The following TSPEAR variants were observed in gnomAD, a reference collection of about 807,000 sequenced individuals.
TSPEAR encodes thrombospondin-type laminin G domain and EAR repeat-containing protein.
In TSPEAR, 69 loss-of-function variants were observed where a neutral mutation model predicts 71.6. The observed-to-expected ratio is 0.96, with a 90% CI of 0.79 to 1.18. The LOEUF (loss-of-function observed/expected upper bound fraction) is 1.18, where lower values mean the gene tolerates loss of function less well. TSPEAR is among the 50% of genes most tolerant of loss of function. The pLI is 0.00. For synonymous variants in TSPEAR, 402 were observed against 387.2 expected (o/e 1.04, Z -0.45); for missense variants, 971 against 894.9 (o/e 1.09, Z -1.09).
intron 1 of TSPEAR, among the ~76,000 whole-genome samples, chr21:44,667,565 GAAA>G (rs1985852972): frequency 6.6e-6 from 1 of 152,210 alleles, no homozygotes; most frequent in African/African-American, 2.4e-5. Context: ...CAGCTCTAAG[GAAA>G]TCAAGCTGGT....
intron 1 of TSPEAR, among the ~76,000 whole-genome samples, chr21:44,705,361 G>A (rs1402887870): frequency 3.3e-5 from 5 of 152,090 alleles, no homozygotes; most frequent in Non-Finnish European, 5.9e-5. Context: ...ATGAAATGTG[G>A]GCACCTTGAA....
Position 44,499,670 on chromosome 21 carries a change from C to T in TSPEAR, c.*113G>A. The T allele has an allele frequency of 1.7e-6, 2 of 1,197,602 alleles. No homozygotes were observed. Among genetic ancestry groups the T allele is most frequent in the South Asian group, 1.6e-5 (1 of 61,838 alleles). The allele number at this position is 1,197,602 out of a possible 1,614,324, so 74.2% of individuals were successfully genotyped here. A position where few individuals can be genotyped will look rare whatever the true frequency, so the allele number is the denominator to read the frequency against. On this transcript the variant is annotated 3_prime_UTR_variant, in exon 12 of 12. Transcript: ENST00000323084. ...GCCCCACCTGCACCCTGCCTGATGC[C>T]CAGGCCCGGGATGCCCTAGGCTGGG...
intron 1 of TSPEAR, among the ~76,000 whole-genome samples, chr21:44,668,790 A>G (rs1555945341): frequency 1.3e-5 from 2 of 152,234 alleles, no homozygotes; most frequent in Non-Finnish European, 2.9e-5. Context: ...CAGTGAGGGA[A>G]GAACAGACTT....
chr21:44,616,071 C>T (rs182358165), intron 1 of TSPEAR, among the ~76,000 whole-genome samples: 4 of 152,292 alleles, frequency 2.6e-5, no homozygotes, highest in East Asian at 1.9e-4. Context: ...AGACAGAGGT[C>T]GGCAGCACCT....
Position 44,612,360 on chromosome 21 carries a change from A to T in TSPEAR, c.83-44355T>A. On this transcript the variant is annotated intron_variant, in intron 1 of 11. Transcript: ENST00000323084. This position sits in a 1 kb window ranked among gnomAD's most constrained non-coding sequence, Gnocchi z 4.1. The stretch of plus-strand genomic sequence containing the variant: ...GTGAGCTGTGAGCCCAGCCCCTGCC[A>T]ATCAGGCTGCACCGACTCCTGCACA... 6.2e-7 allele frequency: 1 copy of T among 1,613,916 alleles called. No homozygotes were observed. The highest frequency in any genetic ancestry group is 8.5e-7 in the Non-Finnish European group (1 of 1,179,998).
At chr21:44,610,699 T>G (rs1981607289) in intron 1 of TSPEAR, among the ~76,000 whole-genome samples, 1 of 152,118 alleles carries the variant, frequency 6.6e-6, no homozygotes, top group Non-Finnish European at 1.5e-5. Context: ...GGTAGATCTA[T>G]TGACACCTTG....
At chr21:44,701,588 G>T (rs889186580) in intron 1 of TSPEAR, among the ~76,000 whole-genome samples, 2 of 152,184 alleles carry the variant, frequency 1.3e-5, no homozygotes, top group Non-Finnish European at 2.9e-5. Flanking sequence ...GGGAGACAGG[G>T]GCAGACCATC....
At chr21:44,590,557 G>C (rs1979718717) in intron 1 of TSPEAR, among the ~76,000 whole-genome samples, 1 of 152,176 alleles carries the variant, frequency 6.6e-6, no homozygotes, top group African/African-American at 2.4e-5. Flanking sequence ...ACGAATACTG[G>C]GCTGCTGGGC....
intron 1 of TSPEAR, among the ~76,000 whole-genome samples, chr21:44,709,118 C>T (rs368543836): frequency 1.3e-5 from 2 of 152,332 alleles, no homozygotes; most frequent in East Asian, 3.9e-4. Context: ...CACCCAGCCC[C>T]CCAGAGCCCA....
At chr21:44,700,382 GTCCCTCAGCCCATCCCTGCAA>G (rs1354156310) in intron 1 of TSPEAR, among the ~76,000 whole-genome samples, 1 of 152,126 alleles carries the variant, frequency 6.6e-6, no homozygotes, top group Non-Finnish European at 1.5e-5. Flanking sequence ...CCCCAGTGCA[GTCCCTCAGCCCATCCCTGCAA>G]TCCCTCAGCG....
chr21:44,671,285 C>T (rs1326655664), intron 1 of TSPEAR, among the ~76,000 whole-genome samples: 1 of 152,238 alleles, frequency 6.6e-6, no homozygotes, highest in Non-Finnish European at 1.5e-5. Flanking sequence ...TTGCTACTAC[C>T]ATCATCCATG....
intron 1 of TSPEAR, chr21:44,658,354 G>A: frequency 1.5e-6 from 2 of 1,354,952 alleles, no homozygotes; most frequent in Non-Finnish European, 2.0e-6. Flanking sequence ...GCACACATAG[G>A]GCAGATGAAA....
At chr21:44,615,009 C>T (rs1377089580) in intron 1 of TSPEAR, among the ~76,000 whole-genome samples, 3 of 152,182 alleles carry the variant, frequency 2.0e-5, no homozygotes, top group Non-Finnish European at 4.4e-5. Flanking sequence ...ACACACCCAT[C>T]GCTCACCGGA....
At chr21:44,678,024 C>G in intron 1 of TSPEAR, 1 of 816,196 alleles carries the variant, frequency 1.2e-6, no homozygotes, top group Non-Finnish European at 2.1e-6. Flanking sequence ...GGAGGACTAA[C>G]TTCCCATAGA....
At chr21:44,647,934 C>G (rs996397219) in intron 1 of TSPEAR, among the ~76,000 whole-genome samples, 5 of 152,222 alleles carry the variant, frequency 3.3e-5, no homozygotes, top group Non-Finnish European at 7.3e-5. Context: ...CCCGCCCATG[C>G]CTGTCCCCTG....
At chr21:44,607,631 C>T (rs1981397699) in intron 1 of TSPEAR, among the ~76,000 whole-genome samples, 2 of 152,094 alleles carry the variant, frequency 1.3e-5, no homozygotes, top group Non-Finnish European at 1.5e-5. Context: ...CAATTAAGAG[C>T]GTCTCTTCAT....
chr21:44,675,175 A>G (rs1444553457), intron 1 of TSPEAR, among the ~76,000 whole-genome samples: 1 of 152,192 alleles, frequency 6.6e-6, no homozygotes, highest in Non-Finnish European at 1.5e-5. Flanking sequence ...AAAACTCCTC[A>G]ACAAAATACT....
At chr21:44,552,922 C>T (rs1300346878) in intron 2 of TSPEAR, among the ~76,000 whole-genome samples, 20 of 152,310 alleles carry the variant, frequency 1.3e-4, no homozygotes, top group African/African-American at 4.3e-4. Context: ...CATCTGAAGA[C>T]GCAGGGCAGT....
At chr21:44,511,787 C>T (rs2052387553) in intron 9 of TSPEAR, among the ~76,000 whole-genome samples, 1 of 152,274 alleles carries the variant, frequency 6.6e-6, no homozygotes, top group African/African-American at 2.4e-5. Flanking sequence ...CTGAAACTCC[C>T]TCTCAGGGAA....
Sources: allele counts gnomAD v4.1 joint callset (sites outside exome capture counted in the v4.1 genomes callset), GRCh38; gene constraint gnomAD v4.1.1; non-coding constraint Gnocchi (gnomAD v3.1); transcripts MANE v1.5; gene names NCBI Gene and HGNC (gene_info 2026-07-23, HGNC 2026-07-21).